GABRG3: variants seen among roughly 807,000 people sequenced by gnomAD.
GABRG3 encodes gamma-aminobutyric acid type A receptor subunit gamma3.
Under a neutral mutation model 48.8 loss-of-function variants are expected in GABRG3, and 25 were observed. The observed-to-expected ratio is 0.51, with a 90% confidence interval of 0.37 to 0.72. The LOEUF (loss-of-function observed/expected upper bound fraction) is 0.72, where lower values mean the gene tolerates loss of function less well. GABRG3 is among the 30% of genes least tolerant of loss of function. The probability of loss-of-function intolerance (pLI) is 0.00; values close to 1 mark genes in which losing one functional copy is unlikely to be tolerated. For synonymous variants in GABRG3, 227 were observed against 217.6 expected (o/e 1.04, Z -0.38); for missense variants, 394 against 577.9 (o/e 0.68, Z 3.26).
intron 3 of GABRG3, among the ~76,000 whole-genome samples, chr15:27,035,086 A>G (rs1287582150): frequency 1.3e-5 from 2 of 152,192 alleles, no homozygotes; most frequent in African/African-American, 4.8e-5. Flanking sequence ...CTGGAAGATG[A>G]AAGGACCACC....
intron 3 of GABRG3, among the ~76,000 whole-genome samples, chr15:27,306,689 CATGTTTATATATAAACATATACAAT>C: frequency 1.1e-5 from 1 of 87,748 alleles, no homozygotes; most frequent in Non-Finnish European, 2.3e-5. Flanking sequence ...TATATATGAA[CATGTTTATATATAAACATATACAAT>C]ATAAACATGT....
chr15:27,291,720 A>G (rs760266008), intron 3 of GABRG3, among the ~76,000 whole-genome samples: 10 of 152,248 alleles, frequency 6.6e-5, no homozygotes, highest in Admixed American at 2.0e-4. Flanking sequence ...AAGAACAAAC[A>G]TCTGCGTCCT....
At chr15:27,499,729 G>C (rs1247498960) in intron 6 of GABRG3, among the ~76,000 whole-genome samples, 1 of 152,216 alleles carries the variant, frequency 6.6e-6, no homozygotes, top group Non-Finnish European at 1.5e-5. Context: ...TAAAAGCAAA[G>C]CTAACACGTG....
chr15:27,384,051 T>G (rs1895853719), intron 5 of GABRG3, among the ~76,000 whole-genome samples: 3 of 152,358 alleles, frequency 2.0e-5, no homozygotes, highest in South Asian at 2.1e-4. Context: ...CTTCTGCTAT[T>G]TTTCGGTTAA....
chr15:27,291,532 T>C (rs1469578974), intron 3 of GABRG3, among the ~76,000 whole-genome samples: 1 of 152,244 alleles, frequency 6.6e-6, no homozygotes, highest in East Asian at 1.9e-4. Context: ...TGGCAGCAGA[T>C]GTGCTTATTT....
At chr15:27,058,277 A>T (rs1214991999) in intron 3 of GABRG3, among the ~76,000 whole-genome samples, 2 of 152,186 alleles carry the variant, frequency 1.3e-5, no homozygotes, top group Non-Finnish European at 2.9e-5. Flanking sequence ...GAGAATGGAG[A>T]TGATAGGGAC....
At chr15:27,004,832 C>A (rs1217694666) in intron 2 of GABRG3, among the ~76,000 whole-genome samples, 1 of 152,166 alleles carries the variant, frequency 6.6e-6, no homozygotes, top group Non-Finnish European at 1.5e-5. Context: ...AATAAACCGC[C>A]TTAAGATTCA....
At chr15:27,196,130 C>A (rs1428349271) in intron 3 of GABRG3, among the ~76,000 whole-genome samples, 1 of 152,188 alleles carries the variant, frequency 6.6e-6, no homozygotes, top group South Asian at 2.1e-4. Context: ...GGAGCAGTAA[C>A]CCGATGTCTC....
chr15:27,243,001 A>C (rs145429003), intron 3 of GABRG3, among the ~76,000 whole-genome samples: 22 of 152,326 alleles, frequency 1.4e-4, no homozygotes, highest in African/African-American at 5.3e-4. Flanking sequence ...AGTAAGAGAC[A>C]GTGCAGCTGC....
At chr15:27,305,044 A>G (rs1389033583) in intron 3 of GABRG3, among the ~76,000 whole-genome samples, 3 of 151,912 alleles carry the variant, frequency 2.0e-5, no homozygotes, top group Non-Finnish European at 4.4e-5. Context: ...AGGTGTCACA[A>G]CTATGAGAAT....
At chr15:27,240,793 A>T (rs1389956623) in intron 3 of GABRG3, among the ~76,000 whole-genome samples, 1 of 152,232 alleles carries the variant, frequency 6.6e-6, no homozygotes, top group Non-Finnish European at 1.5e-5. Flanking sequence ...ATTATGATAA[A>T]ATAATGTGTG....
chr15:27,366,308 C>G (rs185590893), intron 5 of GABRG3: 13 of 152,200 alleles, frequency 8.5e-5, no homozygotes, highest in Admixed American at 8.5e-4. Flanking sequence ...GGGCTCTTTC[C>G]TGCATCATAT....
intron 5 of GABRG3, among the ~76,000 whole-genome samples, chr15:27,471,738 C>T (rs184236783): frequency 6.6e-6 from 1 of 152,144 alleles, no homozygotes; most frequent in Middle Eastern, 3.2e-3. Context: ...TTCCACTGAT[C>T]ATAAACACCT....
chr15:27,003,810 C>T (rs1235946745), intron 2 of GABRG3, among the ~76,000 whole-genome samples: 12 of 150,252 alleles, frequency 8.0e-5, no homozygotes, highest in Non-Finnish European at 1.6e-4. Context: ...TGGGCAGAGG[C>T]GCCCCTCACC....
intron 5 of GABRG3, among the ~76,000 whole-genome samples, chr15:27,463,215 AG>A (rs979613416): frequency 7.2e-5 from 11 of 152,244 alleles, no homozygotes; most frequent in Non-Finnish European, 1.2e-4. Flanking sequence ...TAGACAAAAA[AG>A]GAAAGCAAAA....
intron 3 of GABRG3, among the ~76,000 whole-genome samples, chr15:27,066,717 T>A (rs538120184): frequency 6.6e-6 from 1 of 152,238 alleles, no homozygotes; most frequent in African/African-American, 2.4e-5. Context: ...TGTGGGTCAC[T>A]TTTCCTGGAC....
intron 3 of GABRG3, among the ~76,000 whole-genome samples, chr15:27,196,454 G>A (rs1037885272): frequency 2.6e-5 from 4 of 152,066 alleles, no homozygotes; most frequent in Non-Finnish European, 4.4e-5. Context: ...TTAAAATGCC[G>A]AAGTGTCTTT....
At chr15:27,308,838 TAA>T (rs1460561210) in intron 3 of GABRG3, among the ~76,000 whole-genome samples, 1 of 150,086 alleles carries the variant, frequency 6.7e-6, no homozygotes, top group Non-Finnish European at 1.5e-5. Flanking sequence ...TACGTTTATA[TAA>T]AAACACAGAA....
chr15:27,271,701 A>G, intron 3 of GABRG3: 2 of 446,848 alleles, frequency 4.5e-6, no homozygotes, highest in Non-Finnish European at 9.0e-6. Flanking sequence ...GGTGGCTGGC[A>G]CAGCGCCAGA....
Sources: gnomAD v4.1 joint callset for allele counts (sites outside exome capture counted in the v4.1 genomes callset) on GRCh38, gnomAD v4.1.1 for gene constraint, MANE v1.5 for transcripts, NCBI Gene and HGNC (gene_info 2026-07-23, HGNC 2026-07-21) for gene names.